Variants in SLC35F3 observed in about 807,000 individuals in gnomAD.
SLC35F3 encodes putative thiamine transporter SLC35F3.
In SLC35F3, 25 loss-of-function variants were observed where a neutral mutation model predicts 49.9. That is an observed-to-expected ratio of 0.50 (90% CI 0.37 to 0.70). SLC35F3 has a LOEUF of 0.70. SLC35F3 is among the 30% of genes least tolerant of loss of function. The probability of loss-of-function intolerance (pLI) is 0.00; values close to 1 mark genes in which losing one functional copy is unlikely to be tolerated. For missense variants in SLC35F3, 525 were observed against 639.8 expected (o/e 0.82, Z 1.94); for synonymous variants, 275 against 265.4 (o/e 1.04, Z -0.35).
At chr1:233,923,260 T>C (rs1193547572) in intron 2 of SLC35F3, among the ~76,000 whole-genome samples, 3 of 152,212 alleles carry the variant, frequency 2.0e-5, no homozygotes, top group Non-Finnish European at 2.9e-5. Context: ...TTTCATGATA[T>C]TGATTCTTCC....
At chr1:234,065,802 G>A (rs1260182169) in intron 2 of SLC35F3, among the ~76,000 whole-genome samples, 1 of 152,164 alleles carries the variant, frequency 6.6e-6, no homozygotes, top group Non-Finnish European at 1.5e-5. Flanking sequence ...TTTCTAGAAC[G>A]AGTTTAGATG....
intron 2 of SLC35F3, among the ~76,000 whole-genome samples, chr1:234,067,810 T>C (rs4253965): frequency 1 from 152,118 of 152,338 alleles, 75,949 homozygotes; most frequent in Middle Eastern, 1. Flanking sequence ...GTCCTGATTG[T>C]TCATTCACAG....
chr1:234,134,041 A>G (rs970436825), intron 2 of SLC35F3, among the ~76,000 whole-genome samples: 1 of 152,226 alleles, frequency 6.6e-6, no homozygotes. Flanking sequence ...TATGTCAGAG[A>G]AGTACATGAA....
At chr1:234,169,077 G>A (rs914233680) in intron 2 of SLC35F3, among the ~76,000 whole-genome samples, 3 of 152,174 alleles carry the variant, frequency 2.0e-5, no homozygotes, top group Admixed American at 2.0e-4. Context: ...CCAAAGAGCC[G>A]AGAATCAGGA....
chr1:234,210,409 C>G (rs1156655824), intron 2 of SLC35F3, among the ~76,000 whole-genome samples: 1 of 152,120 alleles, frequency 6.6e-6, no homozygotes, highest in Non-Finnish European at 1.5e-5. Context: ...GTTTGGAGGG[C>G]TCAGAAGAAG....
rs80179046 is a variant in SLC35F3, at chr1:234,032,282, C to T, written c.283+126524C>T. Among the ~76,000 whole-genome samples, 73 of 152,168 alleles carry T rather than the reference C, an allele frequency of 4.8e-4. 2 individuals carry two copies. The East Asian group carries it at 0.013, about 27-fold the overall frequency. ...TTTATATTATTATAAGTCAAATTCACCATTGAACTTGTGGTAAATTATTAT... is the reference window on the plus strand; with the variant it reads ...TTTATATTATTATAAGTCAAATTCATCATTGAACTTGTGGTAAATTATTAT... On this transcript the variant is annotated intron_variant, in intron 2 of 7. Transcript: ENST00000366618.
intron 3 of SLC35F3, among the ~76,000 whole-genome samples, chr1:234,301,893 C>T (rs531706160): frequency 6.6e-6 from 1 of 152,312 alleles, no homozygotes; most frequent in South Asian, 2.1e-4. Context: ...TTTGCAGGAA[C>T]GTGGATGAAG....
At chr1:234,148,966 T>A (rs550051212) in intron 2 of SLC35F3, among the ~76,000 whole-genome samples, 9 of 152,252 alleles carry the variant, frequency 5.9e-5, no homozygotes, top group African/African-American at 2.2e-4. Flanking sequence ...GGGGATGGAA[T>A]GGGAGCAGAG....
At chr1:234,262,207 A>C (rs1204161018) in intron 3 of SLC35F3, among the ~76,000 whole-genome samples, 1 of 152,014 alleles carries the variant, frequency 6.6e-6, no homozygotes, top group Non-Finnish European at 1.5e-5. Context: ...AGTGTGAAGC[A>C]ATGTGCTAGT....
At chr1:233,956,766 A>C (rs1434758210) in intron 2 of SLC35F3, among the ~76,000 whole-genome samples, 1 of 152,232 alleles carries the variant, frequency 6.6e-6, no homozygotes, top group East Asian at 1.9e-4. Context: ...CTGCAGCCTC[A>C]AGCAGCTGTG....
At chr1:234,083,486 A>G (rs927969502) in intron 2 of SLC35F3, among the ~76,000 whole-genome samples, 7 of 152,160 alleles carry the variant, frequency 4.6e-5, no homozygotes, top group Non-Finnish European at 8.8e-5. Context: ...ACCCATATAC[A>G]TCATACACAA....
chr1:233,983,223 T>C (rs1663214426), intron 2 of SLC35F3, among the ~76,000 whole-genome samples: 1 of 152,112 alleles, frequency 6.6e-6, no homozygotes, highest in Non-Finnish European at 1.5e-5. Flanking sequence ...ATTTCAAATT[T>C]TTTGCCATCA....
At chr1:233,966,889 C>T (rs10910320) in intron 2 of SLC35F3, among the ~76,000 whole-genome samples, 30,820 of 152,052 alleles carry the variant, frequency 0.2, 3,345 homozygotes, top group East Asian at 0.37. Flanking sequence ...TGGCCCTGAA[C>T]GAACAAGTAT....
chr1:234,140,002 A>AATAAAATAATAAAATATAAT, intron 2 of SLC35F3, among the ~76,000 whole-genome samples: 1 of 105,368 alleles, frequency 9.5e-6, no homozygotes. Context: ...AATAAAATAA[A>AATAAAATAATAAAATATAAT]GTAAGTGACT....
intron 2 of SLC35F3, among the ~76,000 whole-genome samples, chr1:234,209,686 G>A (rs2102939278): frequency 6.6e-6 from 1 of 152,110 alleles, no homozygotes; most frequent in East Asian, 1.9e-4. Context: ...ATTGAGTATG[G>A]AAAATGAAAA....
chr1:234,154,708 A>T (rs1341480861), intron 2 of SLC35F3, among the ~76,000 whole-genome samples: 2 of 152,202 alleles, frequency 1.3e-5, no homozygotes, highest in African/African-American at 2.4e-5. Context: ...TTTACTTTTG[A>T]TCAGCAAATG....
intron 2 of SLC35F3, among the ~76,000 whole-genome samples, chr1:234,069,079 A>AAC: frequency 1.6e-5 from 1 of 61,878 alleles, no homozygotes; most frequent in East Asian, 2.5e-4. Flanking sequence ...TATTATATGC[A>AAC]ATATATATTA....
chr1:233,943,274 G>T (rs1427339038), intron 2 of SLC35F3, among the ~76,000 whole-genome samples: 1 of 152,206 alleles, frequency 6.6e-6, no homozygotes, highest in African/African-American at 2.4e-5. Context: ...TCAATTATCA[G>T]TAATCCAAAG....
chr1:234,020,717 A>C (rs1422499227), intron 2 of SLC35F3, among the ~76,000 whole-genome samples: 1 of 151,880 alleles, frequency 6.6e-6, no homozygotes, highest in Non-Finnish European at 1.5e-5. Context: ...GTGAATTACT[A>C]TTTTTTTCTT....
Sources: allele counts gnomAD v4.1 joint callset (sites outside exome capture counted in the v4.1 genomes callset), GRCh38; gene constraint gnomAD v4.1.1; transcripts MANE v1.5; gene names NCBI Gene and HGNC (gene_info 2026-07-23, HGNC 2026-07-21).